MYO6: variants seen among roughly 807,000 people sequenced by gnomAD.
MYO6 encodes the protein unconventional myosin-VI.
In MYO6, 74 loss-of-function variants were observed where a neutral mutation model predicts 178.7. That is an observed-to-expected ratio of 0.41 (90% CI 0.34 to 0.50). The LOEUF (loss-of-function observed/expected upper bound fraction) is 0.50, where lower values mean the gene tolerates loss of function less well. MYO6 is among the 20% of genes least tolerant of loss of function. The pLI, the probability that MYO6 is intolerant of heterozygous loss-of-function variation, is 0.09. For missense variants in MYO6, 1,330 were observed against 1,547.4 expected (o/e 0.86, Z 2.36); for synonymous variants, 477 against 504.6 (o/e 0.95, Z 0.73).
chr6:75,894,988 T>C, intron 28 of MYO6: 1 of 668,502 alleles, frequency 1.5e-6, no homozygotes, highest in Non-Finnish European at 2.4e-6. Flanking sequence ...CCTCACAATA[T>C]ATGAATTTTC....
intron 18 of MYO6, among the ~76,000 whole-genome samples, chr6:75,868,561 C>G (rs186521848): frequency 6.6e-6 from 1 of 152,008 alleles, no homozygotes; most frequent in East Asian, 1.9e-4. Context: ...ATATTTAATA[C>G]AATGTATTTT....
rs562634812 is a variant in MYO6 at position 75,804,301 on chromosome 6, C to G, written c.-47-13200C>G. Among the ~76,000 whole-genome samples, 22 of 152,318 alleles carry G rather than the reference C, an allele frequency of 1.4e-4. No homozygotes were observed. In the South Asian group the frequency reaches 4.6e-3, roughly 32 times the overall value. On this transcript the variant is annotated intron_variant, in intron 1 of 34. Coordinates refer to ENST00000369977, the MANE Select transcript of MYO6 (RefSeq NM_004999.4). ...TTACTAGCCACAGCCAACTGTTAAC[C>G]TTGTGCCCCATTTTCTCACAGTATC...
intron 15 of MYO6, among the ~76,000 whole-genome samples, chr6:75,861,862 G>C (rs946582719): frequency 2.0e-5 from 3 of 152,086 alleles, no homozygotes; most frequent in Non-Finnish European, 4.4e-5. Context: ...CTGAGTCTTT[G>C]ACTGTGTGGT....
chr6:75,753,225 T>G (rs1292699800), intron 1 of MYO6, among the ~76,000 whole-genome samples: 2 of 152,028 alleles, frequency 1.3e-5, no homozygotes. Flanking sequence ...ATTACGGATT[T>G]TTTTCATTAT....
intron 1 of MYO6, among the ~76,000 whole-genome samples, chr6:75,755,064 CA>C (rs1777235997): frequency 6.6e-6 from 1 of 151,938 alleles, no homozygotes; most frequent in African/African-American, 2.4e-5. Context: ...AACCCTTTCA[CA>C]AAAAATATTA....
intron 10 of MYO6, among the ~76,000 whole-genome samples, chr6:75,846,817 T>C (rs974261009): frequency 1.3e-5 from 2 of 152,054 alleles, no homozygotes; most frequent in Non-Finnish European, 2.9e-5. Flanking sequence ...CTCCAAAGAG[T>C]AGCATGTACT....
chr6:75,861,221 G>A (rs1776191362), intron 15 of MYO6, 126 bp downstream of exon 15: 1 of 798,436 alleles, frequency 1.3e-6, no homozygotes, highest in Non-Finnish European at 2.1e-6. Context: ...TTGAGAGAAG[G>A]TTACTTCTGT....
chr6:75,778,895 A>C (rs1430768601), intron 1 of MYO6, among the ~76,000 whole-genome samples: 2 of 151,798 alleles, frequency 1.3e-5, no homozygotes, highest in African/African-American at 4.8e-5. Flanking sequence ...CTACAAAAAA[A>C]CAAATAAAAA....
chr6:75,793,299 G>C (rs1156718377), intron 1 of MYO6, among the ~76,000 whole-genome samples: 3 of 152,084 alleles, frequency 2.0e-5, no homozygotes, highest in Non-Finnish European at 4.4e-5. Flanking sequence ...ACTAAGGATT[G>C]AGGCTTAAAA....
chr6:75,887,510 G>T (rs12215965), intron 25 of MYO6, among the ~76,000 whole-genome samples: 1 of 151,492 alleles, frequency 6.6e-6, no homozygotes, highest in Non-Finnish European at 1.5e-5. Context: ...GTGTGGTGGC[G>T]TGCACCTGTA....
intron 16 of MYO6, among the ~76,000 whole-genome samples, chr6:75,866,160 A>C (rs1776647202): frequency 6.6e-6 from 1 of 152,198 alleles, no homozygotes; most frequent in Admixed American, 6.5e-5. Flanking sequence ...TTAACTCTGT[A>C]AAATGCCAAC....
At chr6:75,765,114 G>T (rs1778292866) in intron 1 of MYO6, among the ~76,000 whole-genome samples, 1 of 148,976 alleles carries the variant, frequency 6.7e-6, no homozygotes, top group African/African-American at 2.5e-5. Context: ...TCAATATTGT[G>T]CAGTTAAAAA....
At chr6:75,837,129 C>T (rs960823404) in intron 7 of MYO6, among the ~76,000 whole-genome samples, 1 of 152,162 alleles carries the variant, frequency 6.6e-6, no homozygotes, top group Admixed American at 6.5e-5. Context: ...TACTTTCCCC[C>T]ACTATGTACT....
At chr6:75,842,637 G>A (rs953948607) in intron 9 of MYO6, among the ~76,000 whole-genome samples, 2 of 151,666 alleles carry the variant, frequency 1.3e-5, no homozygotes, top group African/African-American at 2.4e-5. Context: ...CAAATTAATT[G>A]GAATTTGAAG....
chr6:75,779,056 CAAAAAAAA>C (rs142469441), intron 1 of MYO6, among the ~76,000 whole-genome samples: 1 of 64,530 alleles, frequency 1.5e-5, no homozygotes, highest in Non-Finnish European at 2.9e-5. Flanking sequence ...GACTTTGTCT[CAAAAAAAA>C]AAAAAAAAAA....
At chr6:75,751,628 T>A (rs545965729) in intron 1 of MYO6, among the ~76,000 whole-genome samples, 1 of 152,200 alleles carries the variant, frequency 6.6e-6, no homozygotes, top group African/African-American at 2.4e-5. Context: ...AAAATAACAG[T>A]GGCCAGGAAA....
At chr6:75,841,072 G>A (rs1220657571) in intron 8 of MYO6, 142 bp from the exon 9 acceptor site, 5 of 823,814 alleles carry the variant, frequency 6.1e-6, no homozygotes, top group African/African-American at 1.7e-5. Flanking sequence ...TTAGTTATTT[G>A]TTTTTTCCCC....
chr6:75,827,172 A>T (rs980084388), intron 3 of MYO6, among the ~76,000 whole-genome samples: 6 of 152,238 alleles, frequency 3.9e-5, no homozygotes, highest in African/African-American at 1.4e-4. Context: ...TAAAATTATC[A>T]TAATAACACT....
chr6:75,840,691 G>A lies in MYO6; in HGVS notation c.651+9G>A, dbSNP rs767595619. On this transcript the variant is annotated intron_variant, in intron 8 of 34. Coordinates refer to ENST00000369977, the MANE Select transcript of MYO6 (RefSeq NM_004999.4). ...TACATTTTAATGAAAAGGTAAGTGA[G>A]AGTAAGCTTTGGAATGATATTTTTG... The A allele has an allele frequency of 1.9e-6, 3 of 1,587,998 alleles. No individual in the cohort carries two copies. The highest frequency in any genetic ancestry group is 2.2e-5 in the East Asian group (1 of 44,720).
Sources: allele counts gnomAD v4.1 joint callset (sites outside exome capture counted in the v4.1 genomes callset), GRCh38; gene constraint gnomAD v4.1.1; transcripts MANE v1.5; gene names NCBI Gene and HGNC (gene_info 2026-07-23, HGNC 2026-07-21).